The following GPR89A variants were observed in gnomAD, a reference collection of about 807,000 sequenced individuals.
GPR89A encodes the protein G protein-coupled receptor 89A.
A neutral mutation model predicts 52.0 loss-of-function variants in GPR89A; 16 were observed. The ratio of observed to expected loss-of-function variants is 0.31; its 90% CI spans 0.21 to 0.47. The LOEUF (loss-of-function observed/expected upper bound fraction) is 0.47. Ranked by LOEUF, GPR89A falls within the 20% of genes least tolerant of loss-of-function variation. The probability of loss-of-function intolerance (pLI) is 1.00; values close to 1 mark genes in which losing one functional copy is unlikely to be tolerated. For missense variants in GPR89A, 135 were observed against 449.4 expected, an observed-to-expected ratio of 0.30 and a Z score of 6.33; for synonymous variants, 55 against 150.9, an observed-to-expected ratio of 0.36 and a Z score of 4.66.
chr1:145,658,543 C>T (rs1311105771), intron 10 of GPR89A, among the ~76,000 whole-genome samples: 962 of 148,512 alleles, frequency 6.5e-3, no homozygotes, highest in African/African-American at 0.023. Flanking sequence ...GGGGGAGGAT[C>T]GCTTGAGCCT....
chr1:145,639,128 GA>G (rs71584626), intron 7 of GPR89A, among the ~76,000 whole-genome samples: 11 of 150,104 alleles, frequency 7.3e-5, no homozygotes, highest in East Asian at 3.9e-4. Context: ...TAAAACTAAT[GA>G]AAAAAATCAA....
chr1:145,608,237 G>T, intron 1 of GPR89A, 62 bp downstream of exon 1: 1 of 1,603,548 alleles, frequency 6.2e-7, no homozygotes, highest in South Asian at 1.1e-5. Context: ...GCCCTCTCCG[G>T]TCCTCCGCGG....
At position 145,649,482 on chromosome 1, in the gene GPR89A, ATTC is replaced by A. The variant is rs59276775; in HGVS notation, c.909+2218_909+2220del. Among the ~76,000 whole-genome samples the A allele has an allele frequency of 5.7e-3, 850 of 148,856 alleles. 9 individuals carry two copies. Among genetic ancestry groups the A allele is most frequent in the African/African-American group, 0.02 (804 of 40,672 alleles). On this transcript the variant is annotated intron_variant, in intron 10 of 13. Coordinates refer to ENST00000313835, the MANE Select transcript of GPR89A (RefSeq NM_001097612.2). ...ATGTTATGATTTGTATCAGTAGTTT[ATTC>A]TTTTGTATTGCTGAGTAGTGTTTCC...
intron 10 of GPR89A, among the ~76,000 whole-genome samples, chr1:145,651,070 T>C (rs1200947723): frequency 7.9e-5 from 12 of 152,218 alleles, no homozygotes; most frequent in Non-Finnish European, 1.6e-4. Flanking sequence ...CCTTTGCCTG[T>C]ACCATGTCCT....
intron 1 of GPR89A, among the ~76,000 whole-genome samples, chr1:145,609,856 G>A (rs1403398763): frequency 6.6e-6 from 1 of 152,150 alleles, no homozygotes; most frequent in African/African-American, 2.4e-5. Context: ...TCTCTGTTCA[G>A]ATATTTATGT....
At chr1:145,629,711 G>T (rs1172052782) in intron 5 of GPR89A, among the ~76,000 whole-genome samples, 1 of 151,838 alleles carries the variant, frequency 6.6e-6, no homozygotes, top group Admixed American at 6.6e-5. Context: ...CCTGGTGAGA[G>T]AATTTGAAGC....
At chr1:145,664,193 C>T (rs1169028959) in intron 11 of GPR89A, among the ~76,000 whole-genome samples, 7 of 151,896 alleles carry the variant, frequency 4.6e-5, no homozygotes, top group African/African-American at 1.7e-4. Context: ...CCCCTAATCT[C>T]AAAAGGACTT....
chr1:145,617,979 TG>T lies in GPR89A; in HGVS notation c.103-340del, dbSNP rs1423095513. 2.7e-5 allele frequency among the ~76,000 whole-genome samples: 4 copies of T among 150,430 alleles called. 1 individual carries two copies. Among genetic ancestry groups the T allele is most frequent in the Non-Finnish European group, 5.9e-5 (4 of 67,672 alleles). Reference sequence around the variant, plus strand: ...AACTGATCCAGGATCTGCAGAGTGTTGAAGAACCCCTTTAAACATTAACCAT... The same window carrying T: ...AACTGATCCAGGATCTGCAGAGTGTTAAGAACCCCTTTAAACATTAACCAT... On this transcript the variant is annotated intron_variant, in intron 2 of 13. Transcript: ENST00000313835.
At chr1:145,625,645 G>A in intron 5 of GPR89A, among the ~76,000 whole-genome samples, 1 of 147,080 alleles carries the variant, frequency 6.8e-6, no homozygotes, top group East Asian at 2.0e-4. Flanking sequence ...CCAGCCTCAA[G>A]TTTCTAGAGC....
At chr1:145,627,654 G>A (rs1372556910) in intron 5 of GPR89A, among the ~76,000 whole-genome samples, 5 of 152,170 alleles carry the variant, frequency 3.3e-5, no homozygotes, top group Non-Finnish European at 4.4e-5. Flanking sequence ...TGATAGTCTT[G>A]TGGGTGGAAC....
chr1:145,609,366 T>C (rs1365798882), intron 1 of GPR89A, among the ~76,000 whole-genome samples: 1 of 152,250 alleles, frequency 6.6e-6, no homozygotes, highest in Admixed American at 6.5e-5. Flanking sequence ...CCATCCATAA[T>C]CCTACCACTC....
intron 11 of GPR89A, 109 bp from the exon 12 acceptor site, chr1:145,665,453 G>A (rs1652491814): frequency 1.4e-6 from 2 of 1,460,120 alleles, no homozygotes; most frequent in Admixed American, 3.4e-5. Context: ...ATCAGGTAGG[G>A]TCTAATAAAG....
intron 12 of GPR89A, among the ~76,000 whole-genome samples, chr1:145,667,911 G>C (rs1253454122): frequency 2.6e-5 from 4 of 152,142 alleles, no homozygotes; most frequent in Non-Finnish European, 4.4e-5. Context: ...TGAGGGCTCT[G>C]TTCTGTTCCA....
intron 7 of GPR89A, among the ~76,000 whole-genome samples, chr1:145,641,729 G>A (rs1650667280): frequency 6.6e-6 from 1 of 151,768 alleles, no homozygotes; most frequent in South Asian, 2.1e-4. Flanking sequence ...ACTTTTAAAT[G>A]ACATTGGGCT....
chr1:145,623,275 A>G, intron 4 of GPR89A, 115 bp downstream of exon 4: 1 of 633,888 alleles, frequency 1.6e-6, no homozygotes, highest in South Asian at 2.4e-5. Flanking sequence ...CTATTTGAGG[A>G]TACCTCACAC....
intron 10 of GPR89A, among the ~76,000 whole-genome samples, chr1:145,660,989 A>T (rs1420476839): frequency 6.6e-6 from 1 of 152,210 alleles, no homozygotes; most frequent in South Asian, 2.1e-4. Context: ...TCATGCTGCT[A>T]TAAAGACACA....
chr1:145,614,401 C>T (rs1455781745), intron 1 of GPR89A, among the ~76,000 whole-genome samples: 1 of 152,060 alleles, frequency 6.6e-6, no homozygotes, highest in African/African-American at 2.4e-5. Context: ...ATATTGTGAG[C>T]TCCTAGAGGG....
chr1:145,647,136 T>C (rs1651050230), intron 9 of GPR89A, 39 bp from the exon 10 acceptor site: 1 of 1,539,332 alleles, frequency 6.5e-7, no homozygotes, highest in South Asian at 1.2e-5. Context: ...TAAATTTATA[T>C]TTTGCTGAAA....
At chr1:145,634,730 T>C (rs587771439) in intron 7 of GPR89A, among the ~76,000 whole-genome samples, 32 of 150,602 alleles carry the variant, frequency 2.1e-4, no homozygotes, top group African/African-American at 7.1e-4. Flanking sequence ...AAAAACAAGT[T>C]AGAGCCCTTA....
Sources: gnomAD v4.1 joint callset for allele counts (sites outside exome capture counted in the v4.1 genomes callset) on GRCh38, gnomAD v4.1.1 for gene constraint, MANE v1.5 for transcripts, NCBI Gene and HGNC (gene_info 2026-07-23, HGNC 2026-07-21) for gene names.